The following IFT172 variants were observed in gnomAD, a reference collection of about 807,000 sequenced individuals.
The protein encoded by IFT172 is intraflagellar transport 172, also known as intraflagellar transport protein 172 homolog.
A neutral mutation model predicts 248.9 loss-of-function variants in IFT172; 164 were observed. That is an observed-to-expected ratio of 0.66 (90% CI 0.58 to 0.75). The LOEUF (loss-of-function observed/expected upper bound fraction) is 0.75, where lower values mean the gene tolerates loss of function less well. IFT172 is among the 30% of genes least tolerant of loss of function. The probability of loss-of-function intolerance (pLI) is 0.00; values close to 1 mark genes in which losing one functional copy is unlikely to be tolerated. For synonymous variants in IFT172, 729 were observed against 791.6 expected (o/e 0.92, Z 1.33); for missense variants, 1,950 against 2,192.4 (o/e 0.89, Z 2.21).
Position 27,445,019 on chromosome 2 carries a change from T to C in IFT172, c.5155A>G (p.Ile1719Val). ...KDNWNKFLMA[I>V]KTSHSPVCQD... is the part of the protein sequence containing the mutation. Reference sequence around the variant, plus strand: ...TCCAAGTCCTCCTCTCTAACCTTGATGGCCATAAGGAATTTATTCCAGTTG... The same window carrying C: ...TCCAAGTCCTCCTCTCTAACCTTGACGGCCATAAGGAATTTATTCCAGTTG... The change falls in exon 47 of 48, where the codon ATC (isoleucine) becomes GTC (valine). Residue 1719 changes from isoleucine to valine, a missense_variant. Around this residue, in one of 3 missense-constraint regions of IFT172, gnomAD observed 620 missense variants for 699.0 expected, o/e 0.89. Transcript: ENST00000260570. The surrounding 1 kb of genome is among the most constrained non-coding windows in gnomAD (Gnocchi z 4.4). The C allele has an allele frequency of 6.2e-7, 1 of 1,614,058 alleles. No homozygotes were observed. The highest frequency in any genetic ancestry group is 1.3e-5 in the African/African-American group (1 of 75,012).
chr2:27,477,361 G>A, intron 12 of IFT172, 41 bp from the exon 13 acceptor site: 1 of 1,557,734 alleles, frequency 6.4e-7, no homozygotes, highest in Non-Finnish European at 8.9e-7. Context: ...AAGGCTACAT[G>A]AAGAAAAACA....
intron 7 of IFT172, 39 bp downstream of exon 7, chr2:27,483,250 C>G (rs754938516): frequency 7.6e-6 from 9 of 1,186,274 alleles, no homozygotes; most frequent in Non-Finnish European, 1.1e-5. Context: ...CTCCTGGACT[C>G]AAGCAATCCA....
chr2:27,485,442 C>A lies in IFT172; in HGVS notation c.101G>T (p.Cys34Phe). 1 of 1,614,126 alleles carries A rather than the reference C, an allele frequency of 6.2e-7. No homozygotes were observed. Among genetic ancestry groups the A allele is most frequent in the Non-Finnish European group, 8.5e-7 (1 of 1,179,988 alleles). ...WSQNNAKFAVCTVDRVVLLYD... is the reference protein window; with the variant it reads ...WSQNNAKFAVFTVDRVVLLYD... ...CAGCAAGACCACTCGGTCCACTGTG[C>A]AGACAGCAAATTTGGCATTGTTCTG... is the stretch of plus-strand genomic sequence containing the variant. The change falls in exon 2 of 48, where the codon TGC (cysteine) becomes TTC (phenylalanine). Residue 34 changes from cysteine (C) to phenylalanine (F), a missense_variant. Transcript: ENST00000260570.
chr2:27,485,153 AG>A, intron 2 of IFT172, 23 bp from the exon 3 acceptor site: 1 of 1,468,146 alleles, frequency 6.8e-7, no homozygotes, highest in Non-Finnish European at 9.4e-7. Context: ...AAAAAAAAAA[AG>A]AAAGAAAAAG....
At position 27,463,142 on chromosome 2, in the gene IFT172, G is replaced by C; in HGVS notation, c.1977C>G (p.Phe659Leu). The C allele has an allele frequency of 1.2e-6, 2 of 1,614,118 alleles. No homozygotes were observed. Among genetic ancestry groups the C allele is most frequent in the Non-Finnish European group, 1.7e-6 (2 of 1,180,016 alleles). ...CTGCAATCTCATTGGTCTCATGCAG[G>C]AATCGAGCTTTTGCTACTTGGCCCA... Reference protein sequence around the residue: ...SALGQVAKARFLHETNEIADQ... With the variant: ...SALGQVAKARLLHETNEIADQ... The change falls in exon 19 of 48, where the codon TTC becomes TTG. Residue 659 changes from phenylalanine (F) to leucine (L), a missense_variant. This residue lies in a region of IFT172 where 1,166 missense variants were observed against 1,254.1 expected (regional missense o/e 0.93). Coordinates refer to ENST00000260570, the MANE Select transcript of IFT172 (RefSeq NM_015662.3).
Position 27,471,059 on chromosome 2 carries a change from T to A in IFT172, c.1561A>T (p.Met521Leu). ...ATATAGGAGCAGAAGTTGAGGATCA[T>A]TGTCTTAGAGCAGCTTTCAATATCA... ...LYDIESCSKT[M>L]ILNFCSYMQW... Residue 521 changes from methionine (M) to leucine (L), a missense_variant, in exon 16 of 48, where the codon ATG (methionine) becomes TTG (leucine). This residue lies in a region of IFT172 where 1,166 missense variants were observed against 1,254.1 expected (regional missense o/e 0.93). Coordinates refer to ENST00000260570, the MANE Select transcript of IFT172 (RefSeq NM_015662.3). The A allele has an allele frequency of 6.2e-7, 1 of 1,612,138 alleles. No individual in the cohort carries two copies. Among genetic ancestry groups the A allele is most frequent in the Non-Finnish European group, 8.5e-7 (1 of 1,179,514 alleles).
chr2:27,480,649 C>T (rs1433308796), intron 8 of IFT172, among the ~76,000 whole-genome samples: 1 of 152,138 alleles, frequency 6.6e-6, no homozygotes, highest in Non-Finnish European at 1.5e-5. Context: ...CATATAGATG[C>T]TAATCTAGGC....
intron 20 of IFT172, among the ~76,000 whole-genome samples, chr2:27,462,412 A>G (rs568962461): frequency 6.6e-5 from 10 of 152,288 alleles, no homozygotes; most frequent in African/African-American, 2.4e-4. Flanking sequence ...CCCTATGCAC[A>G]AGAATTGCAA....
chr2:27,484,362 C>T (rs531049572), intron 3 of IFT172, 96 bp from the exon 4 acceptor site: 51 of 1,293,172 alleles, frequency 3.9e-5, no homozygotes, highest in Non-Finnish European at 5.2e-5. Context: ...GAGGCCGAGG[C>T]GGGAGGATCA....
chr2:27,471,350 A>T, intron 15 of IFT172: 1 of 359,312 alleles, frequency 2.8e-6, no homozygotes, highest in Non-Finnish European at 5.0e-6. Flanking sequence ...CCTTCTTGAA[A>T]TAACTCTGGG....
At chr2:27,455,829 T>A (rs1666109623) in intron 30 of IFT172, 1 of 467,796 alleles carries the variant, frequency 2.1e-6, no homozygotes, top group African/African-American at 2.1e-5. Flanking sequence ...GACAGCAACA[T>A]ATAGGAGGGA....
Position 27,450,105 on chromosome 2 carries a change from T to C in IFT172, c.3952-9A>G, listed in dbSNP as rs1285829435. 1 of 1,602,734 alleles carries C rather than the reference T, an allele frequency of 6.2e-7. No homozygotes were observed. Among genetic ancestry groups the C allele is most frequent in the Non-Finnish European group, 8.5e-7 (1 of 1,169,714 alleles). ...ATGGAGAGTTCAGCTGCCTGAGTGG[T>C]TGAACAGAAGATGGAAATGGGTAGG... On this transcript the variant is annotated splice_polypyrimidine_tract_variant and intron_variant, in intron 35 of 47. Transcript: ENST00000260570.
In IFT172 at chr2:27,481,232, G is replaced by C. The variant is rs776260844; in HGVS notation, c.599C>G (p.Pro200Arg). The C allele has an allele frequency of 2.5e-6, 4 of 1,611,942 alleles. No individual in the cohort carries two copies. Among genetic ancestry groups the C allele is most frequent in the East Asian group, 2.2e-5 (1 of 44,888 alleles). Residue 200 changes from proline (P) to arginine (R), a missense_variant, in exon 8 of 48, where the codon CCC becomes CGC. Pro to Arg is a moderately radical substitution (Grantham distance 103). Coordinates refer to ENST00000260570, the MANE Select transcript of IFT172 (RefSeq NM_015662.3). ...QGKLVNHPCPPYALAWATNSI... is the reference protein window; with the variant it reads ...QGKLVNHPCPRYALAWATNSI... ...ATTGGTTGCCCATGCCAAGGCATAG[G>C]GTGGACACGGGTGGTTAACCAACTT...
chr2:27,485,203 G>A, intron 2 of IFT172, 73 bp from the exon 3 acceptor site: 1 of 1,434,250 alleles, frequency 7.0e-7, no homozygotes, highest in Non-Finnish European at 9.6e-7. Flanking sequence ...GAGAAAAAAA[G>A]GCATATGTGT....
Position 27,454,432 on chromosome 2 carries a change from A to C in IFT172, c.3466-14T>G. 1.2e-6 allele frequency: 2 copies of C among 1,614,186 alleles called. No homozygotes were observed. The highest frequency in any genetic ancestry group is 1.7e-6 in the Non-Finnish European group (2 of 1,180,036). On this transcript the variant is annotated splice_polypyrimidine_tract_variant and intron_variant, in intron 31 of 47. Transcript: ENST00000260570. This position sits in a 1 kb window ranked among gnomAD's most constrained non-coding sequence, Gnocchi z 4.2. ...TTCGAATTTACCCTACAGGGAGAGA[A>C]AGGCAGCCGTGCATGATGAGAAGGA...
rs1668745320 is a variant in IFT172, at chr2:27,485,977, T to C, written c.40-474A>G. Among the ~76,000 whole-genome samples, 3 of 152,210 alleles carry C rather than the reference T, an allele frequency of 2.0e-5. No individual in the cohort carries two copies. The South Asian group carries it at 6.2e-4, about 32-fold the overall frequency. On this transcript the variant is annotated intron_variant, in intron 1 of 47. Coordinates refer to ENST00000260570, the MANE Select transcript of IFT172 (RefSeq NM_015662.3). ...AAAATAGAAAAGTCCTATTAAAGTA[T>C]GTATAAAGTACTACAATAGTTTGGA... is the stretch of plus-strand genomic sequence containing the variant.
chr2:27,447,862 C>T lies in IFT172; in HGVS notation c.4489G>A (p.Ala1497Thr), dbSNP rs759653536. ...TCAGCCCAGCTATGATAGGCCTCGG[C>T]ACAGTTGGTTCCAGGAGAGCTCACC... Reference protein sequence around the residue: ...DMVSSPGTNCAEAYHSWADLR... With the variant: ...DMVSSPGTNCTEAYHSWADLR... Residue 1497 changes from alanine to threonine, a missense_variant, in exon 41 of 48, where the codon GCC becomes ACC. Ala to Thr is a moderately conservative substitution (Grantham distance 58). Coordinates refer to ENST00000260570, the MANE Select transcript of IFT172 (RefSeq NM_015662.3). 5.0e-6 allele frequency: 8 copies of T among 1,613,932 alleles called. No homozygotes were observed. The highest frequency in any genetic ancestry group is 6.8e-6 in the Non-Finnish European group (8 of 1,179,948).
In IFT172 at chr2:27,456,641, G is replaced by T; in HGVS notation, c.3241C>A (p.Gln1081Lys). The T allele has an allele frequency of 6.2e-7, 1 of 1,613,660 alleles. No individual in the cohort carries two copies. Among genetic ancestry groups the T allele is most frequent in the South Asian group, 1.1e-5 (1 of 91,026 alleles). Reference protein sequence around the residue: ...WEEAYRVARTQGGANAHKHVA... With the variant: ...WEEAYRVARTKGGANAHKHVA... ...TGTTTGTGGGCATTAGCCCCTCCTT[G>T]AGTTCTGGCCACCTGTAAAGCAAAG... Residue 1081 changes from glutamine (Q) to lysine (K), a missense_variant, in exon 30 of 48, where the codon CAA becomes AAA. This residue lies in a region of IFT172 where 164 missense variants were observed against 239.3 expected (regional missense o/e 0.69). Coordinates refer to ENST00000260570, the MANE Select transcript of IFT172 (RefSeq NM_015662.3).
chr2:27,479,458 G>A (rs903889313), intron 10 of IFT172, 51 bp downstream of exon 10: 1 of 982,790 alleles, frequency 1.0e-6, no homozygotes, highest in African/African-American at 1.6e-5. Context: ...ATGTTATAAG[G>A]AGGAATGAGC....
Sources: allele counts gnomAD v4.1 joint callset (sites outside exome capture counted in the v4.1 genomes callset), GRCh38; gene constraint gnomAD v4.1.1; regional missense constraint gnomAD v4.1.1; non-coding constraint Gnocchi (gnomAD v3.1); transcripts MANE v1.5; gene names NCBI Gene and HGNC (gene_info 2026-07-23, HGNC 2026-07-21).